Variants in TSPAN18 observed in about 807,000 individuals in gnomAD.
TSPAN18 encodes the protein tetraspanin 18.
In TSPAN18, 14 loss-of-function variants were observed where a neutral mutation model predicts 27.3. The ratio of observed to expected loss-of-function variants is 0.51; its 90% confidence interval spans 0.34 to 0.80. TSPAN18 has a LOEUF of 0.80. TSPAN18 is among the 30% of genes least tolerant of loss of function. The pLI is 0.01. For missense variants in TSPAN18, 268 were observed against 323.9 expected (o/e 0.83, Z 1.32); for synonymous variants, 143 against 136.5 (o/e 1.05, Z -0.33).
At chr11:44,833,955 A>G (rs1308544052) in intron 2 of TSPAN18, among the ~76,000 whole-genome samples, 1 of 151,598 alleles carries the variant, frequency 6.6e-6, no homozygotes, top group Non-Finnish European at 1.5e-5. Context: ...TGGGCAGGTA[A>G]ATAACACTTG....
At chr11:44,801,604 AG>A (rs563411671) in intron 2 of TSPAN18, among the ~76,000 whole-genome samples, 22 of 152,366 alleles carry the variant, frequency 1.4e-4, no homozygotes, top group Admixed American at 3.3e-4. Context: ...GCAGTGCCTC[AG>A]GGTGGTGGTT....
At chr11:44,831,283 C>A (rs1857148328) in intron 2 of TSPAN18, among the ~76,000 whole-genome samples, 1 of 152,150 alleles carries the variant, frequency 6.6e-6, no homozygotes. Context: ...CCTTTTCAGA[C>A]CTTTTGAAAG....
At chr11:44,868,626 G>A (rs1858103759) in intron 3 of TSPAN18, among the ~76,000 whole-genome samples, 1 of 152,208 alleles carries the variant, frequency 6.6e-6, no homozygotes, top group Non-Finnish European at 1.5e-5. Context: ...CCTCTCCCAG[G>A]ATCAGGGCTC....
chr11:44,835,612 C>T (rs1241488747), intron 2 of TSPAN18, among the ~76,000 whole-genome samples: 2 of 149,932 alleles, frequency 1.3e-5, no homozygotes, highest in African/African-American at 4.9e-5. Flanking sequence ...CTCACAAACA[C>T]ATTGTATTTT....
chr11:44,869,473 G>T (rs1444980996), intron 3 of TSPAN18, among the ~76,000 whole-genome samples: 4 of 152,210 alleles, frequency 2.6e-5, no homozygotes, highest in Non-Finnish European at 2.9e-5. Flanking sequence ...CCAGGAACAA[G>T]TCAGATCTCT....
intron 3 of TSPAN18, among the ~76,000 whole-genome samples, chr11:44,875,820 G>A (rs980997972): frequency 4.6e-5 from 7 of 152,186 alleles, no homozygotes; most frequent in African/African-American, 9.7e-5. Context: ...TATATAAAAC[G>A]CCTCATCCGT....
chr11:44,786,341 G>T (rs1189058876), intron 2 of TSPAN18, among the ~76,000 whole-genome samples: 1 of 152,232 alleles, frequency 6.6e-6, no homozygotes, highest in East Asian at 1.9e-4. Flanking sequence ...TCCTCATGGG[G>T]AGGGGCCAGA....
intron 3 of TSPAN18, among the ~76,000 whole-genome samples, chr11:44,896,645 C>T (rs1319257117): frequency 6.6e-6 from 1 of 152,148 alleles, no homozygotes; most frequent in Non-Finnish European, 1.5e-5. Context: ...CCTCTGCACT[C>T]CCCCAAGACT....
chr11:44,894,974 A>C (rs1858990793), intron 3 of TSPAN18, among the ~76,000 whole-genome samples: 1 of 152,242 alleles, frequency 6.6e-6, no homozygotes. Context: ...AAATGAACTC[A>C]GACGAGTTAG....
At chr11:44,797,329 A>G (rs1389424273) in intron 2 of TSPAN18, among the ~76,000 whole-genome samples, 2 of 152,142 alleles carry the variant, frequency 1.3e-5, no homozygotes, top group Admixed American at 6.5e-5. Context: ...CCCCCACTGT[A>G]GCCTGATGAG....
intron 3 of TSPAN18, among the ~76,000 whole-genome samples, chr11:44,863,466 A>G (rs1427866226): frequency 1.3e-5 from 2 of 152,186 alleles, no homozygotes; most frequent in East Asian, 3.9e-4. Flanking sequence ...TTCCCTGGGA[A>G]GGGGAGTTTT....
intron 5 of TSPAN18, among the ~76,000 whole-genome samples, chr11:44,912,474 G>T (rs1859758232): frequency 6.6e-6 from 1 of 152,004 alleles, no homozygotes; most frequent in South Asian, 2.1e-4. Context: ...TCACAGTGTG[G>T]GTCAGAGGCA....
At chr11:44,798,276 T>C (rs1179361909) in intron 2 of TSPAN18, among the ~76,000 whole-genome samples, 5 of 152,302 alleles carry the variant, frequency 3.3e-5, no homozygotes, top group Admixed American at 3.3e-4. Flanking sequence ...TCCCGAGCAA[T>C]GTGGTGAGCA....
At chr11:44,867,014 C>T (rs1858055533) in intron 3 of TSPAN18, among the ~76,000 whole-genome samples, 1 of 152,240 alleles carries the variant, frequency 6.6e-6, no homozygotes, top group South Asian at 2.1e-4. Context: ...TGAACACCAA[C>T]CTTAAATCAG....
At chr11:44,893,737 T>C (rs1446941379) in intron 3 of TSPAN18, among the ~76,000 whole-genome samples, 1 of 152,188 alleles carries the variant, frequency 6.6e-6, no homozygotes, top group South Asian at 2.1e-4. Flanking sequence ...ATCGTCTACT[T>C]TGTAGAGCTT....
chr11:44,810,665 G>C (rs1174565859), intron 2 of TSPAN18, among the ~76,000 whole-genome samples: 1 of 147,328 alleles, frequency 6.8e-6, no homozygotes, highest in African/African-American at 2.5e-5. Flanking sequence ...GCTGTGACTC[G>C]ATCTCGGCTT....
rs117911646 is a variant in TSPAN18 at position 44,793,909 on chromosome 11, C to T, written c.-153+29397C>T. The stretch of plus-strand genomic sequence containing the variant: ...TGACAGTGCATCTCACAAGGGATGC[C>T]GTTTCCACGGCAACCCCACTCTAAG... On this transcript the variant is annotated intron_variant, in intron 2 of 9. Transcript: ENST00000520358. Among the ~76,000 whole-genome samples, 702 of 152,052 alleles carry T rather than the reference C, an allele frequency of 4.6e-3. 2 individuals carry two copies. Among genetic ancestry groups the T allele is most frequent in the Middle Eastern group, 0.01 (3 of 294 alleles).
At chr11:44,790,631 T>G (rs1039891770) in intron 2 of TSPAN18, among the ~76,000 whole-genome samples, 13 of 152,124 alleles carry the variant, frequency 8.5e-5, no homozygotes, top group Non-Finnish European at 1.5e-5. Context: ...TGTGCATGTG[T>G]ACACTTGCTT....
At chr11:44,748,152 A>C (rs549470641) in intron 1 of TSPAN18, among the ~76,000 whole-genome samples, 155 of 152,332 alleles carry the variant, frequency 1.0e-3, no homozygotes, top group African/African-American at 3.6e-3. Flanking sequence ...TCACACCTGT[A>C]ATCTCAGCAC....
Sources: allele counts gnomAD v4.1 joint callset (sites outside exome capture counted in the v4.1 genomes callset), GRCh38; gene constraint gnomAD v4.1.1; transcripts MANE v1.5; gene names NCBI Gene and HGNC (gene_info 2026-07-23, HGNC 2026-07-21).